PDGFC: variants seen among roughly 807,000 people sequenced by gnomAD.
PDGFC encodes the protein platelet derived growth factor C.
In PDGFC, 12 loss-of-function variants were observed where a neutral mutation model predicts 35.5. That is an observed-to-expected ratio of 0.34 (90% CI 0.22 to 0.55). The LOEUF is 0.55. PDGFC is among the 20% of genes least tolerant of loss of function. The pLI, the probability that PDGFC is intolerant of heterozygous loss-of-function variation, is 0.91. For synonymous variants in PDGFC, 159 were observed against 148.8 expected (o/e 1.07, Z -0.50); for missense variants, 322 against 412.4 (o/e 0.78, Z 1.90).
chr4:156,792,602 C>T (rs923988073), intron 3 of PDGFC, among the ~76,000 whole-genome samples: 8 of 151,948 alleles, frequency 5.3e-5, no homozygotes, highest in African/African-American at 1.7e-4. Flanking sequence ...GGCAGAAATG[C>T]CATTATCTTC....
intron 1 of PDGFC, among the ~76,000 whole-genome samples, chr4:156,945,338 CATACATATATATATATAT>C (rs1731914800): frequency 2.7e-5 from 1 of 37,458 alleles, no homozygotes; most frequent in South Asian, 9.1e-4. Context: ...TATACATATA[CATACATATATATATATAT>C]ATATATATAT....
chr4:156,914,383 T>C (rs1350294304), intron 1 of PDGFC, among the ~76,000 whole-genome samples: 1 of 152,170 alleles, frequency 6.6e-6, no homozygotes, highest in Non-Finnish European at 1.5e-5. Flanking sequence ...TATAGCCTTC[T>C]GGATCTGAAC....
intron 3 of PDGFC, among the ~76,000 whole-genome samples, chr4:156,784,843 G>C (rs188109024): frequency 6.6e-6 from 1 of 151,828 alleles, no homozygotes; most frequent in Admixed American, 6.6e-5. Context: ...TCTTAAAAGT[G>C]TCCATTTTTT....
At chr4:156,800,476 T>C (rs929032917) in intron 3 of PDGFC, among the ~76,000 whole-genome samples, 5 of 152,306 alleles carry the variant, frequency 3.3e-5, no homozygotes, top group African/African-American at 7.2e-5. Flanking sequence ...TAGAGAGATA[T>C]GTAAAATTTT....
chr4:156,883,838 G>A (rs1035992298), intron 1 of PDGFC, among the ~76,000 whole-genome samples: 1 of 152,068 alleles, frequency 6.6e-6, no homozygotes, highest in African/African-American at 2.4e-5. Context: ...TTATACCTGA[G>A]GGGGGTCACT....
chr4:156,763,088 G>A lies in PDGFC; in HGVS notation c.*2C>T, dbSNP rs752722631. ...GGGCAAGAGCTGCTGGTGGTGATGC[G>A]GCTATCCTCCTGTGCTCCCTCTGCA... is the stretch of plus-strand genomic sequence containing the variant. On this transcript the variant is annotated 3_prime_UTR_variant, in exon 6 of 6. Transcript: ENST00000502773. 16 of 1,507,510 alleles carry A rather than the reference G, an allele frequency of 1.1e-5. No homozygotes were observed. The highest frequency in any genetic ancestry group is 2.3e-5 in the East Asian group (1 of 44,428). 93.4% of individuals were successfully genotyped at this position (1,507,510 alleles called of 1,614,324 possible).
chr4:156,803,259 T>C (rs1239561957), intron 3 of PDGFC, among the ~76,000 whole-genome samples: 1 of 152,020 alleles, frequency 6.6e-6, no homozygotes, highest in African/African-American at 2.4e-5. Flanking sequence ...GTGATGAATA[T>C]AAAAGCTAAA....
At chr4:156,890,868 A>C (rs1456443441) in intron 1 of PDGFC, among the ~76,000 whole-genome samples, 2 of 152,168 alleles carry the variant, frequency 1.3e-5, no homozygotes, top group African/African-American at 2.4e-5. Flanking sequence ...TCAAAGTTTA[A>C]ATTTTTCTGT....
intron 1 of PDGFC, among the ~76,000 whole-genome samples, chr4:156,855,569 T>G (rs1405506611): frequency 2.6e-5 from 4 of 152,152 alleles, no homozygotes; most frequent in Non-Finnish European, 5.9e-5. Context: ...TGTATTTGCT[T>G]GCAAATATGT....
chr4:156,762,816 A>G lies in PDGFC; in HGVS notation c.*274T>C, dbSNP rs1187056113. 1.6e-5 allele frequency: 5 copies of G among 303,378 alleles called. No individual in the cohort carries two copies. The highest frequency in any genetic ancestry group is 3.1e-5 in the Non-Finnish European group (5 of 161,030). The allele number at this position is 303,378 out of a possible 1,614,324, so 18.8% of individuals were successfully genotyped here. A position where few individuals can be genotyped will look rare whatever the true frequency, so the allele number is the denominator to read the frequency against. ...TGGAATACGTACATGGTAACTCTGA[A>G]ACTAGCTGGTGATCTATTTAATACA... On this transcript the variant is annotated 3_prime_UTR_variant, in exon 6 of 6. Transcript: ENST00000502773.
At chr4:156,960,759 C>T (rs1732324231) in intron 1 of PDGFC, among the ~76,000 whole-genome samples, 1 of 151,976 alleles carries the variant, frequency 6.6e-6, no homozygotes, top group African/African-American at 2.4e-5. Flanking sequence ...ATTCACAAAA[C>T]CACCAACTAC....
intron 1 of PDGFC, among the ~76,000 whole-genome samples, chr4:156,935,530 C>T (rs1044560548): frequency 4.6e-5 from 7 of 152,128 alleles, no homozygotes; most frequent in African/African-American, 1.7e-4. Flanking sequence ...ACAGCTACAA[C>T]CTCACTAAGG....
rs747794299 is a variant in PDGFC at position 156,917,630 on chromosome 4, T to A, written c.118+53156A>T. 2.6e-5 allele frequency among the ~76,000 whole-genome samples: 4 copies of A among 152,236 alleles called. No homozygotes were observed. The East Asian group carries it at 7.7e-4, about 29-fold the overall frequency. On this transcript the variant is annotated intron_variant, in intron 1 of 5. Coordinates refer to ENST00000502773, the MANE Select transcript of PDGFC (RefSeq NM_016205.3). ...TCAATATGTTAGATTTGGCCTATTA[T>A]AGATTTCCACTGTGCCTACCATCCA...
At chr4:156,943,988 T>C (rs1731876111) in intron 1 of PDGFC, among the ~76,000 whole-genome samples, 1 of 152,162 alleles carries the variant, frequency 6.6e-6, no homozygotes, top group Non-Finnish European at 1.5e-5. Flanking sequence ...AGAACTCTCG[T>C]TGACTTGTCT....
intron 3 of PDGFC, among the ~76,000 whole-genome samples, chr4:156,793,550 T>TAC (rs1365881909): frequency 2.1e-5 from 3 of 145,144 alleles, no homozygotes. Flanking sequence ...TATATATATA[T>TAC]ATATATATAT....
chr4:156,914,050 C>T (rs1227230410), intron 1 of PDGFC, among the ~76,000 whole-genome samples: 1 of 151,830 alleles, frequency 6.6e-6, no homozygotes, highest in Non-Finnish European at 1.5e-5. Context: ...AAAAACATCA[C>T]TAGAATTGAT....
chr4:156,889,092 A>C (rs1193619618), intron 1 of PDGFC, among the ~76,000 whole-genome samples: 1 of 152,150 alleles, frequency 6.6e-6, no homozygotes, highest in African/African-American at 2.4e-5. Context: ...GATGATTACA[A>C]ATCTCTCATT....
At chr4:156,900,025 T>C (rs998005872) in intron 1 of PDGFC, among the ~76,000 whole-genome samples, 9 of 152,308 alleles carry the variant, frequency 5.9e-5, no homozygotes, top group Non-Finnish European at 1.2e-4. Context: ...CCTGCATCTC[T>C]AAATAAATAT....
At chr4:156,857,266 C>G (rs1434590474) in intron 1 of PDGFC, among the ~76,000 whole-genome samples, 1 of 151,948 alleles carries the variant, frequency 6.6e-6, no homozygotes, top group East Asian at 1.9e-4. Context: ...CTGATGTCAT[C>G]AAAAAGAAGA....
Sources: allele counts gnomAD v4.1 joint callset (sites outside exome capture counted in the v4.1 genomes callset), GRCh38; gene constraint gnomAD v4.1.1; transcripts MANE v1.5; gene names NCBI Gene and HGNC (gene_info 2026-07-23, HGNC 2026-07-21).